The following INTS8 variants were observed in gnomAD, a reference collection of about 807,000 sequenced individuals.
INTS8 encodes the protein integrator complex subunit 8, also known as protein kaonashi-1.
INTS8 carries 47 observed loss-of-function variants against 138.9 expected under a neutral mutation model. The observed-to-expected ratio is 0.34, with a 90% CI of 0.27 to 0.43. The LOEUF (loss-of-function observed/expected upper bound fraction) is 0.43, where lower values mean the gene tolerates loss of function less well. Among genes scored for constraint, INTS8 ranks in the 20% least tolerant of loss-of-function variants. INTS8 has a pLI of 1.00. For synonymous variants in INTS8, 392 were observed against 400.9 expected (o/e 0.98, Z 0.27); for missense variants, 996 against 1,173.0 (o/e 0.85, Z 2.20).
In INTS8 at chr8:94,880,235, G is replaced by A. The variant is rs1399511197; in HGVS notation, c.*1G>A. On this transcript the variant is annotated 3_prime_UTR_variant, in exon 27 of 27. Transcript: ENST00000523731. ...AGCAATGGCAAAACTTTACTTTTAA[G>A]CAGTTAAATTTTTTTAACTTTTATT... is the stretch of plus-strand genomic sequence containing the variant. The A allele has an allele frequency of 6.4e-7, 1 of 1,558,012 alleles. No homozygotes were observed. The highest frequency in any genetic ancestry group is 2.2e-5 in the East Asian group (1 of 44,492).
intron 5 of INTS8, 69 bp from the exon 6 acceptor site, chr8:94,831,923 T>G (rs1414907625): frequency 1.6e-6 from 2 of 1,266,862 alleles, no homozygotes; most frequent in South Asian, 1.5e-5. Context: ...CTAAATAGAC[T>G]GTAAATATTT....
In INTS8 at chr8:94,861,241, T is replaced by TC. The variant is rs1301946571; in HGVS notation, c.2076+1615dup. On this transcript the variant is annotated intron_variant, in intron 16 of 26. Coordinates refer to ENST00000523731, the MANE Select transcript of INTS8 (RefSeq NM_017864.4). ...TGAGTTTATTGATTTCTTCAGTTTTTCCCCCCTTTTTGTAATTTTTTTTTT... is the reference window on the plus strand; with the variant it reads ...TGAGTTTATTGATTTCTTCAGTTTTTCCCCCCCTTTTTGTAATTTTTTTTTT... 8.2e-5 allele frequency among the ~76,000 whole-genome samples: 12 copies of TC among 146,406 alleles called. No homozygotes were observed. The Admixed American group carries it at 8.4e-4, about 10-fold the overall frequency.
intron 20 of INTS8, among the ~76,000 whole-genome samples, chr8:94,870,073 A>G (rs969124999): frequency 6.7e-6 from 1 of 150,328 alleles, no homozygotes; most frequent in Non-Finnish European, 1.5e-5. Context: ...TTTTTTTGAG[A>G]TGGAGTCTTG....
chr8:94,836,596 GA>G lies in INTS8; in HGVS notation c.831del (p.Lys277AsnfsTer8). 1.2e-6 allele frequency: 2 copies of G among 1,613,638 alleles called. No homozygotes were observed. The highest frequency in any genetic ancestry group is 1.7e-6 in the Non-Finnish European group (2 of 1,179,712). On this transcript the variant is annotated frameshift_variant, in exon 7 of 27. Coordinates refer to ENST00000523731, the MANE Select transcript of INTS8 (RefSeq NM_017864.4). LOFTEE classifies it high-confidence loss of function. ...TNSAVYENAR[E>X]KFFRTKELIA... ...TTCAGCTGTCTATGAAAATGCCAGG[GA>G]AAAATTTTTTAGAACCAAAGAACTA...
rs531091784 is a variant in INTS8 at position 94,878,999 on chromosome 8, G to C, written c.2872-1119G>C. On this transcript the variant is annotated intron_variant, in intron 26 of 26. Transcript: ENST00000523731. Reference sequence around the variant, plus strand: ...TTTCTGTAACCCTGCATTCTCCCTAGGTAATTTAATCCACTCTCGGTTTTG... The same window carrying C: ...TTTCTGTAACCCTGCATTCTCCCTACGTAATTTAATCCACTCTCGGTTTTG... Among the ~76,000 whole-genome samples, 93 of 152,180 alleles carry C rather than the reference G, an allele frequency of 6.1e-4. 1 individual carries two copies. Among genetic ancestry groups the C allele is most frequent in the African/African-American group, 2.1e-3 (89 of 41,518 alleles).
At chr8:94,846,157 A>C (rs182291308) in intron 10 of INTS8, among the ~76,000 whole-genome samples, 18 of 152,326 alleles carry the variant, frequency 1.2e-4, no homozygotes, top group African/African-American at 4.3e-4. Context: ...TTTGTATCCA[A>C]CAACTTTGCT....
At chr8:94,859,185 G>C (rs1271580234) in intron 15 of INTS8, among the ~76,000 whole-genome samples, 1 of 151,934 alleles carries the variant, frequency 6.6e-6, no homozygotes, top group Non-Finnish European at 1.5e-5. Flanking sequence ...GGAGGTTGAG[G>C]TGGAAGGATC....
chr8:94,868,980 ATTT>A (rs765235187), intron 20 of INTS8, among the ~76,000 whole-genome samples: 8 of 106,792 alleles, frequency 7.5e-5, no homozygotes, highest in Admixed American at 9.8e-5. Flanking sequence ...CCAGTTTTGG[ATTT>A]TTTTTTTTTT....
chr8:94,851,736 G>A (rs774022779), intron 13 of INTS8, 50 bp downstream of exon 13: 6 of 1,481,590 alleles, frequency 4.0e-6, no homozygotes, highest in East Asian at 2.6e-5. Flanking sequence ...GTTTTCTGAG[G>A]TAATTTAATA....
chr8:94,859,748 G>C (rs1043750169), intron 16 of INTS8, 116 bp downstream of exon 16: 1 of 802,802 alleles, frequency 1.2e-6, no homozygotes, highest in Non-Finnish European at 1.9e-6. Context: ...TTGGACAAAT[G>C]CTTGTTGATT....
At chr8:94,837,436 T>G (rs762939328) in intron 7 of INTS8, among the ~76,000 whole-genome samples, 12 of 152,360 alleles carry the variant, frequency 7.9e-5, no homozygotes, top group Non-Finnish European at 1.6e-4. Context: ...GAGGTTTAAA[T>G]GCTCTGACTA....
At chr8:94,841,615 C>A (rs370725923) in intron 9 of INTS8, 24 bp downstream of exon 9, 2 of 1,278,080 alleles carry the variant, frequency 1.6e-6, no homozygotes, top group Non-Finnish European at 2.2e-6. Context: ...AAAATTACTT[C>A]TTGATTTTTG....
chr8:94,876,020 T>C, intron 23 of INTS8, 54 bp from the exon 24 acceptor site: 1 of 1,187,124 alleles, frequency 8.4e-7, no homozygotes, highest in Non-Finnish European at 1.3e-6. Context: ...AAGATTACCT[T>C]GTAAAACCAA....
intron 13 of INTS8, among the ~76,000 whole-genome samples, chr8:94,853,278 C>T (rs1438226018): frequency 6.6e-6 from 1 of 152,160 alleles, no homozygotes; most frequent in Non-Finnish European, 1.5e-5. Context: ...CGCCACTGCA[C>T]TCCAGCCTGG....
intron 14 of INTS8, among the ~76,000 whole-genome samples, chr8:94,855,173 A>G (rs566144520): frequency 6.6e-6 from 1 of 152,302 alleles, no homozygotes; most frequent in South Asian, 2.1e-4. Flanking sequence ...AAAGTTGGAG[A>G]ACTGCTGCTC....
At chr8:94,861,677 C>T (rs1301369289) in intron 16 of INTS8, among the ~76,000 whole-genome samples, 2 of 152,180 alleles carry the variant, frequency 1.3e-5, no homozygotes, top group Non-Finnish European at 2.9e-5. Flanking sequence ...CTCAGCCCCC[C>T]GAGTAGCTGG....
At chr8:94,826,920 A>G (rs1461474195) in intron 2 of INTS8, among the ~76,000 whole-genome samples, 2 of 152,186 alleles carry the variant, frequency 1.3e-5, no homozygotes, top group Non-Finnish European at 2.9e-5. Flanking sequence ...CCTGGCTAAC[A>G]TGGTGAAACC....
rs1160758133 is a variant in INTS8 at position 94,831,982 on chromosome 8, A to T, written c.571-10A>T. On this transcript the variant is annotated splice_polypyrimidine_tract_variant and intron_variant, in intron 5 of 26. Coordinates refer to ENST00000523731, the MANE Select transcript of INTS8 (RefSeq NM_017864.4). The stretch of plus-strand genomic sequence containing the variant: ...TTTTTGTATTTTTATTTGTTTATTG[A>T]TTTCTGTAGCTCAAAGAACAAGCTG... 1.3e-6 allele frequency: 2 copies of T among 1,570,434 alleles called. No homozygotes were observed. The highest frequency in any genetic ancestry group is 1.7e-6 in the Non-Finnish European group (2 of 1,163,388).
intron 16 of INTS8, among the ~76,000 whole-genome samples, chr8:94,860,923 G>A (rs1815939446): frequency 6.6e-6 from 1 of 151,492 alleles, no homozygotes; most frequent in Non-Finnish European, 1.5e-5. Flanking sequence ...CGGGCGTAGT[G>A]GCGGGCTCCT....
Sources: gnomAD v4.1 joint callset for allele counts (sites outside exome capture counted in the v4.1 genomes callset) on GRCh38, gnomAD v4.1.1 for gene constraint, MANE v1.5 for transcripts, NCBI Gene and HGNC (gene_info 2026-07-23, HGNC 2026-07-21) for gene names.